The following BMS1 variants were observed in gnomAD, a reference collection of about 807,000 sequenced individuals.
BMS1 encodes ribosome biogenesis protein BMS1 homolog.
A neutral mutation model predicts 138.7 loss-of-function variants in BMS1; 53 were observed. The observed-to-expected ratio is 0.38, with a 90% CI of 0.31 to 0.48. The LOEUF (loss-of-function observed/expected upper bound fraction) is 0.48. BMS1 is among the 20% of genes least tolerant of loss of function. BMS1 has a pLI of 0.97. For synonymous variants in BMS1, 504 were observed against 539.9 expected (o/e 0.93, Z 0.92); for missense variants, 1,360 against 1,565.5 (o/e 0.87, Z 2.22).
In BMS1 at chr10:42,796,784, G is replaced by A. The variant is rs750878559; in HGVS notation, c.1540G>A (p.Glu514Lys). The A allele has an allele frequency of 4.3e-6, 7 of 1,614,222 alleles. No individual in the cohort carries two copies. The South Asian group carries it at 7.7e-5, about 18-fold the overall frequency. ...CGATGACCTTGAGAGGAGCTCAGCG[G>A]AAGAAGGGGAAGCGGAGGAAGCTGA... Reference protein sequence around the residue: ...SDDDLERSSAEEGEAEEADES... With the variant: ...SDDDLERSSAKEGEAEEADES... Residue 514 changes from glutamate (E) to lysine (K), a missense_variant, in exon 10 of 23, where the codon GAA becomes AAA. Around this residue, in one of 3 missense-constraint regions of BMS1, gnomAD observed 697 missense variants for 686.2 expected, o/e 1.02. Coordinates refer to ENST00000374518, the MANE Select transcript of BMS1 (RefSeq NM_014753.4).
intron 13 of BMS1, among the ~76,000 whole-genome samples, chr10:42,813,747 T>G (rs1842256683): frequency 6.6e-6 from 1 of 152,204 alleles, no homozygotes; most frequent in Non-Finnish European, 1.5e-5. Flanking sequence ...TTTAATTTTT[T>G]GTATTGTGGA....
chr10:42,810,091 C>T (rs566607767), intron 13 of BMS1, among the ~76,000 whole-genome samples: 82 of 152,118 alleles, frequency 5.4e-4, no homozygotes, highest in African/African-American at 1.6e-3. Flanking sequence ...CAGGAGCCAC[C>T]GCACCTGGCC....
At chr10:42,801,366 A>G (rs1841871364) in intron 12 of BMS1, among the ~76,000 whole-genome samples, 1 of 152,246 alleles carries the variant, frequency 6.6e-6, no homozygotes, top group South Asian at 2.1e-4. Flanking sequence ...TAGTGTCAGA[A>G]TAATATGACT....
chr10:42,826,133 A>T (rs1842632097), intron 21 of BMS1, among the ~76,000 whole-genome samples: 1 of 152,206 alleles, frequency 6.6e-6, no homozygotes, highest in South Asian at 2.1e-4. Context: ...AACACGATGT[A>T]TAAAGTTTTT....
intron 21 of BMS1, 136 bp from the exon 22 acceptor site, chr10:42,830,125 G>T: frequency 1.0e-6 from 1 of 991,250 alleles, no homozygotes; most frequent in Non-Finnish European, 1.5e-6. Flanking sequence ...ATTGAGTCCT[G>T]ATTTCTCAGG....
intron 3 of BMS1, among the ~76,000 whole-genome samples, chr10:42,786,183 G>T (rs971480333): frequency 3.3e-5 from 5 of 152,200 alleles, no homozygotes; most frequent in African/African-American, 1.2e-4. Flanking sequence ...CAGATAGCAC[G>T]CACCTCCTAT....
chr10:42,828,861 G>A (rs368613749), intron 21 of BMS1, among the ~76,000 whole-genome samples: 29 of 152,128 alleles, frequency 1.9e-4, no homozygotes, highest in East Asian at 1.2e-3. Flanking sequence ...ATTTTGAACC[G>A]TCTTACATGA....
rs141246713 is a variant in BMS1 at position 42,798,356 on chromosome 10, A to C, written c.2090-112A>C. 4.2e-4 allele frequency: 559 copies of C among 1,336,962 alleles called. No homozygotes were observed. In the African/African-American group the frequency reaches 7.3e-3, roughly 17 times the overall value. The allele number at this position is 1,336,962 out of a possible 1,614,324, so 82.8% of individuals were successfully genotyped here. A position where few individuals can be genotyped will look rare whatever the true frequency, so the allele number is the denominator to read the frequency against. Reference sequence around the variant, plus strand: ...GGCCATTGCCATACCCACCACAGACAGAGTCCCTCAGTTCCTGAGTTCAAA... The same window carrying C: ...GGCCATTGCCATACCCACCACAGACCGAGTCCCTCAGTTCCTGAGTTCAAA... On this transcript the variant is annotated intron_variant, in intron 11 of 22. Transcript: ENST00000374518.
At chr10:42,785,880 A>C (rs1028484437) in intron 3 of BMS1, among the ~76,000 whole-genome samples, 2 of 152,146 alleles carry the variant, frequency 1.3e-5, no homozygotes, top group African/African-American at 4.8e-5. Context: ...ATTTCCTCCC[A>C]GCACTCTGGG....
At chr10:42,794,748 A>G (rs557303250) in intron 9 of BMS1, among the ~76,000 whole-genome samples, 20 of 150,752 alleles carry the variant, frequency 1.3e-4, no homozygotes, top group African/African-American at 3.9e-4. Flanking sequence ...TTTTATTTCT[A>G]TATTATCATT....
chr10:42,824,798 A>G (rs963826590), intron 21 of BMS1, among the ~76,000 whole-genome samples: 4 of 152,052 alleles, frequency 2.6e-5, no homozygotes, highest in Non-Finnish European at 4.4e-5. Flanking sequence ...AGTTGACAGT[A>G]TATGTTTGGA....
At chr10:42,824,994 A>G (rs1842597279) in intron 21 of BMS1, among the ~76,000 whole-genome samples, 1 of 151,832 alleles carries the variant, frequency 6.6e-6, no homozygotes, top group African/African-American at 2.4e-5. Context: ...TATGAGTTTC[A>G]GGATTGTTTT....
In BMS1 at chr10:42,784,361, G is replaced by A; in HGVS notation, c.-33-1G>A. ...CCTTACCCCAACCTTCTTCCTTGTA[G>A]GTTAGAGTTACTTGTTATTGGTAAA... On this transcript the variant is annotated splice_acceptor_variant, in intron 1 of 22. Coordinates refer to ENST00000374518, the MANE Select transcript of BMS1 (RefSeq NM_014753.4). LOFTEE classifies it low-confidence loss of function (5UTR_SPLICE). 1 of 1,568,474 alleles carries A rather than the reference G, an allele frequency of 6.4e-7. No individual in the cohort carries two copies. Among genetic ancestry groups the A allele is most frequent in the African/African-American group, 1.4e-5 (1 of 73,304 alleles).
Position 42,787,238 on chromosome 10 carries a change from A to G in BMS1, c.438A>G (p.Val146=). Residue 146 remains valine, a synonymous_variant, in exon 4 of 23, where the codon GTA becomes GTG. Coordinates refer to ENST00000374518, the MANE Select transcript of BMS1 (RefSeq NM_014753.4). The part of the protein sequence containing the change: ...DINMMIDLAK[V]ADLVLMLIDA... ...ACATGATGATTGATCTGGCTAAAGT[A>G]GCAGATCTGGTAAGTGAGCAGGGGC... 7.8e-7 allele frequency: 1 copy of G among 1,283,870 alleles called. No individual in the cohort carries two copies. The highest frequency in any genetic ancestry group is 1.1e-6 in the Non-Finnish European group (1 of 899,698). 79.5% of individuals were successfully genotyped at this position (1,283,870 alleles called of 1,614,324 possible).
rs1297945614 is a variant in BMS1 at position 42,823,703 on chromosome 10, C to G, written c.3375C>G (p.Thr1125=). The change falls in exon 21 of 23, where the codon ACC becomes ACG. Residue 1125 remains threonine, a synonymous_variant. Coordinates refer to ENST00000374518, the MANE Select transcript of BMS1 (RefSeq NM_014753.4). ...SLLKPVGEKD[T]WSGMRTTGQL... The stretch of plus-strand genomic sequence containing the variant: ...TGAAACCAGTGGGTGAGAAAGACAC[C>G]TGGTCAGGAATGCGGACCACGGGCC... 1 of 1,596,030 alleles carries G rather than the reference C, an allele frequency of 6.3e-7. No individual in the cohort carries two copies. The highest frequency in any genetic ancestry group is 1.3e-5 in the African/African-American group (1 of 74,836).
At chr10:42,805,552 A>G (rs2132338743) in intron 13 of BMS1, among the ~76,000 whole-genome samples, 1 of 152,330 alleles carries the variant, frequency 6.6e-6, no homozygotes, top group South Asian at 2.1e-4. Flanking sequence ...TTGGGATTTC[A>G]TGGAACTTGT....
In BMS1 at chr10:42,831,286, G is replaced by A; in HGVS notation, c.*190G>A. The A allele has an allele frequency of 3.3e-6, 2 of 609,982 alleles. No individual in the cohort carries two copies. The highest frequency in any genetic ancestry group is 4.5e-5 in the South Asian group (2 of 44,912). The allele number at this position is 609,982 out of a possible 1,614,324, so 37.8% of individuals were successfully genotyped here. The stretch of plus-strand genomic sequence containing the variant: ...ACTGGGTTCATTCTCATGACTTGGG[G>A]CTGTCGAGATTTAAAGTGATGTAAG... On this transcript the variant is annotated 3_prime_UTR_variant, in exon 23 of 23. Transcript: ENST00000374518.
rs953523531 is a variant in BMS1 at position 42,797,433 on chromosome 10, T to G, written c.1999T>G (p.Trp667Gly). The G allele has an allele frequency of 6.8e-6, 11 of 1,614,076 alleles. No individual in the cohort carries two copies. Among genetic ancestry groups the G allele is most frequent in the African/African-American group, 1.3e-5 (1 of 74,928 alleles). ...ATTGGTCGTTTCAGGTGCCCTCAAG[T>G]GGAAGGAAGACCTTTCCAGAAAGGC... ...DSKETSGALK[W>G]KEDLSRKAAE... Residue 667 changes from tryptophan (W) to glycine (G), a missense_variant, in exon 11 of 23, where the codon TGG becomes GGG. Trp to Gly is a radical substitution (Grantham distance 184, BLOSUM62 -2). Coordinates refer to ENST00000374518, the MANE Select transcript of BMS1 (RefSeq NM_014753.4).
intron 9 of BMS1, 67 bp downstream of exon 9, chr10:42,794,058 C>A: frequency 1.3e-6 from 2 of 1,552,252 alleles, no homozygotes; most frequent in Non-Finnish European, 1.8e-6. Flanking sequence ...ACCCATAATT[C>A]AGCCATCATA....
Sources: allele counts gnomAD v4.1 joint callset (sites outside exome capture counted in the v4.1 genomes callset), GRCh38; gene constraint gnomAD v4.1.1; regional missense constraint gnomAD v4.1.1; transcripts MANE v1.5; gene names NCBI Gene and HGNC (gene_info 2026-07-23, HGNC 2026-07-21).